The following SOX5 variants were observed in gnomAD, a reference collection of about 807,000 sequenced individuals.
SOX5 encodes SRY-box transcription factor 5.
A neutral mutation model predicts 92.0 loss-of-function variants in SOX5; 9 were observed. The ratio of observed to expected loss-of-function variants is 0.10; its 90% CI spans 0.06 to 0.17. The LOEUF (loss-of-function observed/expected upper bound fraction) is 0.17, where lower values mean the gene tolerates loss of function less well. Ranked by LOEUF, SOX5 falls within the 10% of genes least tolerant of loss-of-function variation. SOX5 has a pLI of 1.00. For synonymous variants in SOX5, 344 were observed against 336.3 expected (o/e 1.02, Z -0.25); for missense variants, 642 against 944.5 (o/e 0.68, Z 4.20).
chr12:24,158,186 G>GGGCAAGGCAGTAGAAAAGGC (rs1952389405), intron 4 of SOX5, among the ~76,000 whole-genome samples: 1 of 152,010 alleles, frequency 6.6e-6, no homozygotes, highest in Non-Finnish European at 1.5e-5. Flanking sequence ...CCATAAAAGG[G>GGGCAAGGCAGTAGAAAAGGC]GGCAAGGCAG....
chr12:23,537,058 T>C (rs1940684303), intron 13 of SOX5, among the ~76,000 whole-genome samples: 1 of 152,144 alleles, frequency 6.6e-6, no homozygotes, highest in African/African-American at 2.4e-5. Flanking sequence ...TTATTGAATA[T>C]TTTTATGTGG....
At chr12:23,869,292 G>T (rs185748996) in intron 2 of SOX5, among the ~76,000 whole-genome samples, 1 of 152,188 alleles carries the variant, frequency 6.6e-6, no homozygotes, top group African/African-American at 2.4e-5. Flanking sequence ...TGTAGTGCAG[G>T]TTATATGCTA....
At chr12:23,928,498 A>G (rs2139108014) in intron 1 of SOX5, among the ~76,000 whole-genome samples, 1 of 152,140 alleles carries the variant, frequency 6.6e-6, no homozygotes, top group Admixed American at 6.6e-5. Context: ...GCATATAAAA[A>G]CAATTTTATG....
At chr12:24,224,050 T>A (rs1354071121) in intron 3 of SOX5, among the ~76,000 whole-genome samples, 1 of 152,234 alleles carries the variant, frequency 6.6e-6, no homozygotes, top group Non-Finnish European at 1.5e-5. Flanking sequence ...GGTAGACAGA[T>A]GCCCCACTGG....
At chr12:23,837,981 A>G (rs1401924693) in intron 3 of SOX5, among the ~76,000 whole-genome samples, 8 of 124,932 alleles carry the variant, frequency 6.4e-5, no homozygotes, top group South Asian at 2.3e-4. Context: ...TATAATATAT[A>G]TTTATATTTA....
chr12:23,636,160 G>T (rs563041715), intron 8 of SOX5, among the ~76,000 whole-genome samples: 2 of 152,210 alleles, frequency 1.3e-5, no homozygotes, highest in East Asian at 3.9e-4. Flanking sequence ...GAAAAAGACA[G>T]ATTTAATATT....
chr12:24,418,521 T>C (rs557595961), intron 1 of SOX5, among the ~76,000 whole-genome samples: 3 of 152,340 alleles, frequency 2.0e-5, no homozygotes, highest in Non-Finnish European at 2.9e-5. Flanking sequence ...AGATGGTCTC[T>C]TTCCCAAACT....
intron 2 of SOX5, among the ~76,000 whole-genome samples, chr12:24,306,179 C>T (rs910225784): frequency 7.2e-5 from 11 of 152,058 alleles, no homozygotes; most frequent in African/African-American, 2.2e-4. Flanking sequence ...ATGATAAAGG[C>T]GGGGAAAGTG....
At chr12:23,897,217 A>G (rs2097186107) in intron 1 of SOX5, among the ~76,000 whole-genome samples, 1 of 152,156 alleles carries the variant, frequency 6.6e-6, no homozygotes, top group African/African-American at 2.4e-5. Flanking sequence ...CTTCCTTCAT[A>G]TAGATCACTG....
chr12:23,816,862 C>T (rs2096005617), intron 3 of SOX5, among the ~76,000 whole-genome samples: 1 of 152,186 alleles, frequency 6.6e-6, no homozygotes, highest in South Asian at 2.1e-4. Flanking sequence ...ACAAATACCA[C>T]ATCACACGCC....
chr12:24,131,941 T>C (rs1015348017), intron 4 of SOX5, among the ~76,000 whole-genome samples: 1 of 152,160 alleles, frequency 6.6e-6, no homozygotes, highest in Non-Finnish European at 1.5e-5. Flanking sequence ...ATCTCTCATG[T>C]CAGGGGCTAA....
At position 23,830,424 on chromosome 12, in the gene SOX5, A is replaced by G. The variant is rs1041752392; in HGVS notation, c.481+15559T>C. Among the ~76,000 whole-genome samples, 8 of 152,282 alleles carry G rather than the reference A, an allele frequency of 5.3e-5. No homozygotes were observed. The East Asian group carries it at 1.5e-3, about 29-fold the overall frequency. On this transcript the variant is annotated intron_variant, in intron 3 of 14. Transcript: ENST00000451604. Reference sequence around the variant, plus strand: ...CCACAATGCATTAGGAGTAGCCTCCAACAGCAGCGGGAGTGTGAGGAACAA... The same window carrying G: ...CCACAATGCATTAGGAGTAGCCTCCGACAGCAGCGGGAGTGTGAGGAACAA...
chr12:23,978,338 C>T (rs925622979), intron 4 of SOX5, among the ~76,000 whole-genome samples: 1 of 152,082 alleles, frequency 6.6e-6, no homozygotes, highest in Non-Finnish European at 1.5e-5. Context: ...ACCAATAAAA[C>T]ATATCAAAGT....
At chr12:24,005,501 C>T (rs774751592) in intron 4 of SOX5, among the ~76,000 whole-genome samples, 1 of 152,150 alleles carries the variant, frequency 6.6e-6, no homozygotes, top group Non-Finnish European at 1.5e-5. Context: ...CTCTGTCTGG[C>T]ATACAGTTCC....
intron 3 of SOX5, among the ~76,000 whole-genome samples, chr12:24,267,180 G>A (rs996480663): frequency 3.9e-5 from 6 of 152,008 alleles, no homozygotes; most frequent in African/African-American, 1.4e-4. Context: ...GAGCCAAGAT[G>A]ACATCACTGC....
chr12:24,137,028 A>G (rs1222267310), intron 4 of SOX5, among the ~76,000 whole-genome samples: 5 of 152,210 alleles, frequency 3.3e-5, no homozygotes, highest in Non-Finnish European at 7.3e-5. Flanking sequence ...GGAACTTTAA[A>G]GTGTCTTGGT....
intron 3 of SOX5, among the ~76,000 whole-genome samples, chr12:23,772,249 T>C (rs185059322): frequency 1.3e-4 from 20 of 152,364 alleles, no homozygotes; most frequent in African/African-American, 4.6e-4. Context: ...TTTGGCCCTT[T>C]ATTTTTATTC....
intron 2 of SOX5, among the ~76,000 whole-genome samples, chr12:24,319,726 G>A (rs778638218): frequency 2.0e-5 from 3 of 152,036 alleles, no homozygotes; most frequent in Non-Finnish European, 2.9e-5. Flanking sequence ...TCTATGGTAC[G>A]GTGTGCAAGA....
At chr12:24,170,056 G>A (rs1953901895) in intron 4 of SOX5, among the ~76,000 whole-genome samples, 1 of 152,110 alleles carries the variant, frequency 6.6e-6, no homozygotes, top group Non-Finnish European at 1.5e-5. Flanking sequence ...GCACCTTTAA[G>A]TACAGCAGGT....
Sources: allele counts gnomAD v4.1 joint callset (sites outside exome capture counted in the v4.1 genomes callset), GRCh38; gene constraint gnomAD v4.1.1; transcripts MANE v1.5; gene names NCBI Gene and HGNC (gene_info 2026-07-23, HGNC 2026-07-21).